The following FUT2 variants were observed in gnomAD, a reference collection of about 807,000 sequenced individuals.
The protein encoded by FUT2 is fucosyltransferase 2 (H blood group), also known as galactoside alpha-(1,2)-fucosyltransferase 2.
For synonymous variants in FUT2, 182 were observed against 193.1 expected (o/e 0.94, Z 0.48); for missense variants, 419 against 465.8 (o/e 0.90, Z 0.93).
intron 1 of FUT2, 146 bp from the exon 2 acceptor site, chr19:48,702,809 G>A: frequency 2.5e-6 from 2 of 799,256 alleles, no homozygotes; most frequent in Non-Finnish European, 4.4e-6. Context: ...TGTGCACATA[G>A]GCAAGTATGT....
chr19:48,698,795 C>T (rs985991909), intron 1 of FUT2, among the ~76,000 whole-genome samples: 7 of 151,818 alleles, frequency 4.6e-5, no homozygotes, highest in Non-Finnish European at 1.0e-4. Flanking sequence ...AGGCTGATCT[C>T]GAACTCCTGA....
Position 48,704,902 on chromosome 19 carries a change from G to A in FUT2, c.*914G>A. The A allele has an allele frequency of 2.4e-6, 1 of 412,878 alleles. No individual in the cohort carries two copies. Among genetic ancestry groups the A allele is most frequent in the Non-Finnish European group, 4.4e-6 (1 of 226,028 alleles). The allele number at this position is 412,878 out of a possible 1,614,324, so 25.6% of individuals were successfully genotyped here. The stretch of plus-strand genomic sequence containing the variant: ...AGGACATGCAGCTTGCAGAAAATTA[G>A]GGTGGTGTTACCAAGGTGAAAAGGG... On this transcript the variant is annotated 3_prime_UTR_variant, in exon 2 of 2. Coordinates refer to ENST00000425340, the MANE Select transcript of FUT2 (RefSeq NM_000511.6).
chr19:48,704,760 C>A lies in FUT2; in HGVS notation c.*772C>A. On this transcript the variant is annotated 3_prime_UTR_variant, in exon 2 of 2. Transcript: ENST00000425340. ...CCTTCCAGCAATTTCCCCCCAACTC[C>A]GATGGGTAGGAATTGTCACATACCC... The A allele has an allele frequency of 4.8e-6, 2 of 413,470 alleles. No homozygotes were observed. Among genetic ancestry groups the A allele is most frequent in the Non-Finnish European group, 8.8e-6 (2 of 226,240 alleles). The allele number at this position is 413,470 out of a possible 1,614,324, so 25.6% of individuals were successfully genotyped here.
In FUT2 at chr19:48,705,111, CTTTT is replaced by C; in HGVS notation, c.*1137_*1140del. 38 of 136,018 alleles carry C rather than the reference CTTTT, an allele frequency of 2.8e-4. No homozygotes were observed. The highest frequency in any genetic ancestry group is 8.7e-4 in the East Asian group (8 of 9,246). 8.4% of individuals were successfully genotyped at this position (136,018 alleles called of 1,614,324 possible). A position where few individuals can be genotyped will look rare whatever the true frequency, so the allele number is the denominator to read the frequency against. ...CACTGTTTTCTTTTCTTTTTCTTTT[CTTTT>C]TTTTTTTTTTTTTGAGATGGAGTCT... On this transcript the variant is annotated 3_prime_UTR_variant, in exon 2 of 2. Coordinates refer to ENST00000425340, the MANE Select transcript of FUT2 (RefSeq NM_000511.6).
At chr19:48,700,353 G>T (rs183895985) in intron 1 of FUT2, among the ~76,000 whole-genome samples, 1,831 of 150,334 alleles carry the variant, frequency 0.012, 48 homozygotes, top group African/African-American at 0.043. Context: ...TTGAGACGGA[G>T]TCTCGCTCTG....
Position 48,697,018 on chromosome 19 carries a change from A to G in FUT2, c.-3+929A>G, listed in dbSNP as rs375711249. On this transcript the variant is annotated intron_variant, in intron 1 of 1. Coordinates refer to ENST00000425340, the MANE Select transcript of FUT2 (RefSeq NM_000511.6). The stretch of plus-strand genomic sequence containing the variant: ...AGGGCCGGCGCTGGGTGTAGGGGAC[A>G]GAGGGGAGAGGAGGAAGCCGGGCCG... Among the ~76,000 whole-genome samples, 27 of 152,052 alleles carry G rather than the reference A, an allele frequency of 1.8e-4. No individual in the cohort carries two copies. In the East Asian group the frequency reaches 3.5e-3, roughly 20 times the overall value.
At position 48,703,967 on chromosome 19, in the gene FUT2, G is replaced by C; in HGVS notation, c.1011G>C (p.Leu337=). The stretch of plus-strand genomic sequence containing the variant: ...AGTGGACAGGGATTGCCGCAGACCT[G>C]TCCCCCTTACTCAAGCACTAATGCT... ...LPEWTGIAAD[L]SPLLKH The change falls in exon 2 of 2, where the codon CTG becomes CTC. Residue 337 remains leucine (L), a synonymous_variant. Coordinates refer to ENST00000425340, the MANE Select transcript of FUT2 (RefSeq NM_000511.6). 1 of 1,613,456 alleles carries C rather than the reference G, an allele frequency of 6.2e-7. No homozygotes were observed. Among genetic ancestry groups the C allele is most frequent in the Non-Finnish European group, 8.5e-7 (1 of 1,179,998 alleles).
rs906111534 is a variant in FUT2 at position 48,704,765 on chromosome 19, G to T, written c.*777G>T. 2 of 413,444 alleles carry T rather than the reference G, an allele frequency of 4.8e-6. No homozygotes were observed. Among genetic ancestry groups the T allele is most frequent in the Non-Finnish European group, 4.4e-6 (1 of 226,242 alleles). 25.6% of individuals were successfully genotyped at this position (413,444 alleles called of 1,614,324 possible). A position where few individuals can be genotyped will look rare whatever the true frequency, so the allele number is the denominator to read the frequency against. ...CAGCAATTTCCCCCCAACTCCGATG[G>T]GTAGGAATTGTCACATACCCATGTG... On this transcript the variant is annotated 3_prime_UTR_variant, in exon 2 of 2. Transcript: ENST00000425340.
rs140411756 is a variant in FUT2 at position 48,704,421 on chromosome 19, CAAAAAAA to C, written c.*447_*453del. 64 of 109,296 alleles carry C rather than the reference CAAAAAAA, an allele frequency of 5.9e-4. No individual in the cohort carries two copies. Among genetic ancestry groups the C allele is most frequent in the African/African-American group, 2.1e-3 (58 of 28,248 alleles). 6.8% of individuals were successfully genotyped at this position (109,296 alleles called of 1,614,324 possible). A position where few individuals can be genotyped will look rare whatever the true frequency, so the allele number is the denominator to read the frequency against. On this transcript the variant is annotated 3_prime_UTR_variant, in exon 2 of 2. Transcript: ENST00000425340. ...TGGGTGACACAGCAAGACTCCATCTCAAAAAAAAAAAAAAAAAAAAGAAAAGAAAAAG... is the reference window on the plus strand; with the variant it reads ...TGGGTGACACAGCAAGACTCCATCTCAAAAAAAAAAAAAGAAAAGAAAAAG...
rs1286034950 is a variant in FUT2 at position 48,696,084 on chromosome 19, G to C, written c.-8G>C. 6.5e-6 allele frequency: 1 copy of C among 152,872 alleles called. No homozygotes were observed. Among genetic ancestry groups the C allele is most frequent in the Non-Finnish European group, 1.5e-5 (1 of 68,514 alleles). The allele number at this position is 152,872 out of a possible 1,614,324, so 9.5% of individuals were successfully genotyped here. On this transcript the variant is annotated 5_prime_UTR_variant, in exon 1 of 2. Transcript: ENST00000425340. ...GGTTTCCTTCAGCAGGACCAGGTGAGAGAAGGTGAGGGGGCTCCTCTCCCA... is the reference window on the plus strand; with the variant it reads ...GGTTTCCTTCAGCAGGACCAGGTGACAGAAGGTGAGGGGGCTCCTCTCCCA...
rs201041294 is a variant in FUT2, at chr19:48,697,331, G to A, written c.-3+1242G>A. ...TTGCACTCCAGCCTGGGGAACAAGA[G>A]CAAAACTCCGTCTCAAAAAAAAAAA... On this transcript the variant is annotated intron_variant, in intron 1 of 1. Transcript: ENST00000425340. Among the ~76,000 whole-genome samples, 25 of 101,232 alleles carry A rather than the reference G, an allele frequency of 2.5e-4. No individual in the cohort carries two copies. The East Asian group carries it at 0.01, about 41-fold the overall frequency. 66.4% of individuals were successfully genotyped at this position (101,232 alleles called of 152,430 possible). A position where few individuals can be genotyped will look rare whatever the true frequency, so the allele number is the denominator to read the frequency against.
At chr19:48,700,808 G>T (rs913050626) in intron 1 of FUT2, among the ~76,000 whole-genome samples, 1 of 151,970 alleles carries the variant, frequency 6.6e-6, no homozygotes. Context: ...CCACAACTCC[G>T]ATGGGTAGGA....
At chr19:48,700,126 C>A in intron 1 of FUT2, among the ~76,000 whole-genome samples, 1 of 130,140 alleles carries the variant, frequency 7.7e-6, no homozygotes, top group Non-Finnish European at 1.6e-5. Context: ...GCACTCCAGC[C>A]TGGGTGACAG....
At chr19:48,699,747 G>A (rs2032476576) in intron 1 of FUT2, among the ~76,000 whole-genome samples, 1 of 152,086 alleles carries the variant, frequency 6.6e-6, no homozygotes, top group African/African-American at 2.4e-5. Flanking sequence ...ATTGGCCAGA[G>A]CTTGTGCACC....
chr19:48,703,377 C>A lies in FUT2; in HGVS notation c.421C>A (p.Pro141Thr). ...DWMEEEYRHIPGEYVRFTGYP... is the reference protein window; with the variant it reads ...DWMEEEYRHITGEYVRFTGYP... ...GATGGAGGAGGAATACCGCCACATC[C>A]CGGGGGAGTACGTCCGCTTCACCGG... The change falls in exon 2 of 2, where the codon CCG becomes ACG. Residue 141 changes from proline (P) to threonine (T), a missense_variant. By Grantham distance (38) the Pro-to-Thr change is conservative. Transcript: ENST00000425340. 6.2e-7 allele frequency: 1 copy of A among 1,613,164 alleles called. No homozygotes were observed. The highest frequency in any genetic ancestry group is 8.5e-7 in the Non-Finnish European group (1 of 1,179,982).
chr19:48,699,720 G>A (rs574285581), intron 1 of FUT2, among the ~76,000 whole-genome samples: 2 of 152,174 alleles, frequency 1.3e-5, no homozygotes, highest in East Asian at 1.9e-4. Flanking sequence ...CACACAGCTC[G>A]TGACTGTGAG....
rs1371097739 is a variant in FUT2, at chr19:48,703,521, G to C, written c.565G>C (p.Gly189Arg). 1 of 1,613,192 alleles carries C rather than the reference G, an allele frequency of 6.2e-7. No homozygotes were observed. The highest frequency in any genetic ancestry group is 2.2e-5 in the East Asian group (1 of 44,878). The change falls in exon 2 of 2, where the codon GGG becomes CGG. Residue 189 changes from glycine to arginine, a missense_variant. Gly to Arg is a moderately radical substitution (Grantham distance 125). Transcript: ENST00000425340. Reference sequence around the variant, plus strand: ...GTTCCTGCGGGGCCTGCAGGTGAACGGGAGCCGGCCGGGCACCTTTGTAGG... The same window carrying C: ...GTTCCTGCGGGGCCTGCAGGTGAACCGGAGCCGGCCGGGCACCTTTGTAGG... ...QKFLRGLQVN[G>R]SRPGTFVGVH...
At chr19:48,697,410 TC>T (rs2032434937) in intron 1 of FUT2, among the ~76,000 whole-genome samples, 1 of 147,450 alleles carries the variant, frequency 6.8e-6, no homozygotes, top group Admixed American at 6.8e-5. Flanking sequence ...ATGCCTGTAA[TC>T]CCAGCACTTT....
At position 48,703,556 on chromosome 19, in the gene FUT2, T is replaced by G; in HGVS notation, c.600T>G (p.Val200=). Residue 200 remains valine, a synonymous_variant, in exon 2 of 2, where the codon GTT becomes GTG. Transcript: ENST00000425340. Reference sequence around the variant, plus strand: ...CGGGCACCTTTGTAGGGGTCCATGTTCGCCGAGGGGACTATGTCCATGTCA... The same window carrying G: ...CGGGCACCTTTGTAGGGGTCCATGTGCGCCGAGGGGACTATGTCCATGTCA... The part of the protein sequence containing the change: ...SRPGTFVGVH[V]RRGDYVHVMP... 6.2e-7 allele frequency: 1 copy of G among 1,613,304 alleles called. No homozygotes were observed. Among genetic ancestry groups the G allele is most frequent in the East Asian group, 2.2e-5 (1 of 44,878 alleles).
Sources: gnomAD v4.1 joint callset for allele counts (sites outside exome capture counted in the v4.1 genomes callset) on GRCh38, gnomAD v4.1.1 for gene constraint, MANE v1.5 for transcripts, NCBI Gene and HGNC (gene_info 2026-07-23, HGNC 2026-07-21) for gene names.